Variants in RBMS3 observed in about 807,000 individuals in gnomAD.
RBMS3 encodes the protein RNA-binding motif, single-stranded-interacting protein 3.
A neutral mutation model predicts 66.8 loss-of-function variants in RBMS3; 27 were observed. That is an observed-to-expected ratio of 0.40 (90% CI 0.30 to 0.56). The LOEUF (loss-of-function observed/expected upper bound fraction) is 0.56, where lower values mean the gene tolerates loss of function less well. RBMS3 is among the 20% of genes least tolerant of loss of function. The pLI, the probability that RBMS3 is intolerant of heterozygous loss-of-function variation, is 0.40. For missense variants in RBMS3, 513 were observed against 549.5 expected, an observed-to-expected ratio of 0.93 and a Z score of 0.66; for synonymous variants, 188 against 183.0, an observed-to-expected ratio of 1.03 and a Z score of -0.22.
chr3:29,513,931 A>G (rs1217328045), intron 3 of RBMS3, among the ~76,000 whole-genome samples: 1 of 152,158 alleles, frequency 6.6e-6, no homozygotes, highest in Non-Finnish European at 1.5e-5. Context: ...CCTTTGACAC[A>G]ATCATGCCCT....
intron 1 of RBMS3, among the ~76,000 whole-genome samples, chr3:29,293,235 T>TA (rs1385604208): frequency 9.3e-5 from 14 of 151,168 alleles, no homozygotes; most frequent in African/African-American, 3.1e-4. Context: ...ATACGATCTG[T>TA]ATGTGCTCAC....
rs557879034 is a variant in RBMS3 at position 29,575,615 on chromosome 3, T to G, written c.308-11499T>G. ...TACACATAACTCTTTCTCTACCTCA[T>G]GTTTTAAGGCAAATAACTCTTATAT... On this transcript the variant is annotated intron_variant, in intron 3 of 14. Coordinates refer to ENST00000383767, the MANE Select transcript of RBMS3 (RefSeq NM_001003793.3). Among the ~76,000 whole-genome samples, 5 of 152,284 alleles carry G rather than the reference T, an allele frequency of 3.3e-5. No homozygotes were observed. The South Asian group carries it at 1.0e-3, about 32-fold the overall frequency.
intron 2 of RBMS3, among the ~76,000 whole-genome samples, chr3:29,474,020 A>C (rs1446555312): frequency 6.6e-6 from 1 of 152,218 alleles, no homozygotes; most frequent in Non-Finnish European, 1.5e-5. Flanking sequence ...GGAGAGGCCG[A>C]GAGCGAGCAA....
chr3:29,427,281 C>T (rs1041854979), intron 1 of RBMS3, among the ~76,000 whole-genome samples: 6 of 152,190 alleles, frequency 3.9e-5, no homozygotes, highest in Admixed American at 2.0e-4. Flanking sequence ...ATTGCAAAGC[C>T]ATAATGTATG....
intron 3 of RBMS3, among the ~76,000 whole-genome samples, chr3:29,521,508 G>A (rs541850284): frequency 1.2e-4 from 18 of 152,276 alleles, no homozygotes; most frequent in African/African-American, 4.1e-4. Context: ...GACTCAACAA[G>A]CTTACATTCC....
At chr3:29,622,133 C>T (rs1270254258) in intron 4 of RBMS3, among the ~76,000 whole-genome samples, 1 of 152,088 alleles carries the variant, frequency 6.6e-6, no homozygotes, top group Non-Finnish European at 1.5e-5. Context: ...TCATGTATTC[C>T]TCCTACAAAT....
chr3:29,425,187 A>G (rs2040897457), intron 1 of RBMS3, among the ~76,000 whole-genome samples: 1 of 98,760 alleles, frequency 1.0e-5, no homozygotes, highest in African/African-American at 4.4e-5. Context: ...ACTAAAAAAT[A>G]CCAAAAAAAA....
intron 4 of RBMS3, among the ~76,000 whole-genome samples, chr3:29,629,480 C>T (rs994604632): frequency 3.3e-5 from 5 of 152,072 alleles, no homozygotes; most frequent in Admixed American, 2.0e-4. Context: ...TGTATTTGAA[C>T]ATTTTATATG....
intron 6 of RBMS3, among the ~76,000 whole-genome samples, chr3:29,826,376 A>G (rs1576922607): frequency 6.6e-6 from 1 of 152,070 alleles, no homozygotes; most frequent in Admixed American, 6.6e-5. Flanking sequence ...TATATCCTTC[A>G]GTGCCACATT....
At chr3:29,814,568 C>G (rs1032977563) in intron 6 of RBMS3, among the ~76,000 whole-genome samples, 2 of 152,156 alleles carry the variant, frequency 1.3e-5, no homozygotes, top group African/African-American at 2.4e-5. Flanking sequence ...ACCAGTTCCT[C>G]CTTGTACCTC....
At chr3:29,610,767 T>C (rs1025663856) in intron 4 of RBMS3, among the ~76,000 whole-genome samples, 4 of 152,116 alleles carry the variant, frequency 2.6e-5, no homozygotes, top group Non-Finnish European at 5.9e-5. Flanking sequence ...CAGCTGTGAA[T>C]AGAGCATGAC....
At chr3:29,458,537 A>G (rs959898131) in intron 2 of RBMS3, among the ~76,000 whole-genome samples, 6 of 152,160 alleles carry the variant, frequency 3.9e-5, no homozygotes, top group African/African-American at 1.4e-4. Flanking sequence ...TAATCTCTAG[A>G]TTACTTGTAA....
chr3:29,952,138 T>C (rs1695723577), intron 12 of RBMS3, among the ~76,000 whole-genome samples: 1 of 151,830 alleles, frequency 6.6e-6, no homozygotes, highest in African/African-American at 2.4e-5. Context: ...GGTGATTATA[T>C]GCATGATAGC....
rs1698842803 is a variant in RBMS3, at chr3:29,991,073, C to T, written c.1180-9C>T. The T allele has an allele frequency of 6.2e-6, 10 of 1,613,776 alleles. No homozygotes were observed. The East Asian group carries it at 2.2e-4, about 36-fold the overall frequency. On this transcript the variant is annotated splice_polypyrimidine_tract_variant and intron_variant, in intron 13 of 14. Coordinates refer to ENST00000383767, the MANE Select transcript of RBMS3 (RefSeq NM_001003793.3). ...AGTAAGGCTTTTATGTTCTTATTTGCCTCCTTAGGGTGTTGTTGCTGATAC... is the reference window on the plus strand; with the variant it reads ...AGTAAGGCTTTTATGTTCTTATTTGTCTCCTTAGGGTGTTGTTGCTGATAC...
chr3:29,310,258 A>G (rs1448525771), intron 1 of RBMS3, among the ~76,000 whole-genome samples: 1 of 151,684 alleles, frequency 6.6e-6, no homozygotes, highest in African/African-American at 2.4e-5. Context: ...TCATGTCTGA[A>G]AACTTTAATC....
chr3:29,847,940 A>G (rs182382582), intron 6 of RBMS3, among the ~76,000 whole-genome samples: 51 of 152,104 alleles, frequency 3.4e-4, no homozygotes, highest in African/African-American at 1.2e-3. Flanking sequence ...ACAGGCGTCA[A>G]TTTTGTGTTT....
intron 2 of RBMS3, among the ~76,000 whole-genome samples, chr3:29,441,921 A>T (rs1241254839): frequency 6.6e-6 from 1 of 152,176 alleles, no homozygotes; most frequent in Non-Finnish European, 1.5e-5. Flanking sequence ...TCAATTATCC[A>T]GAAGTATTAA....
intron 4 of RBMS3, among the ~76,000 whole-genome samples, chr3:29,637,981 T>C (rs9875665): frequency 0.078 from 11,922 of 151,926 alleles, 819 homozygotes; most frequent in East Asian, 0.35. Flanking sequence ...TTCATCTCCT[T>C]TGAACATCCA....
intron 12 of RBMS3, among the ~76,000 whole-genome samples, chr3:29,971,146 T>C (rs770021006): frequency 1.3e-5 from 2 of 152,170 alleles, no homozygotes; most frequent in African/African-American, 4.8e-5. Context: ...CCCCGCTTTA[T>C]AACTGCCTCC....
Sources: allele counts gnomAD v4.1 joint callset (sites outside exome capture counted in the v4.1 genomes callset), GRCh38; gene constraint gnomAD v4.1.1; transcripts MANE v1.5; gene names NCBI Gene and HGNC (gene_info 2026-07-23, HGNC 2026-07-21).